RNLS: variants seen among roughly 807,000 people sequenced by gnomAD.
The protein encoded by RNLS is renalase, FAD dependent amine oxidase.
Under a neutral mutation model 39.8 loss-of-function variants are expected in RNLS, and 39 were observed. The observed-to-expected ratio is 0.98, with a 90% CI of 0.76 to 1.28. The LOEUF is 1.28. Among genes scored for constraint, RNLS ranks in the 50% most tolerant of loss-of-function variants. RNLS has a pLI of 0.00. For synonymous variants in RNLS, 147 were observed against 150.7 expected (o/e 0.98, Z 0.18); for missense variants, 410 against 413.3 (o/e 0.99, Z 0.07).
At chr10:88,445,455 A>G (rs1490939390) in intron 4 of RNLS, among the ~76,000 whole-genome samples, 1 of 152,242 alleles carries the variant, frequency 6.6e-6, no homozygotes, top group East Asian at 1.9e-4. Context: ...GATCAAATTC[A>G]CACATAACAA....
chr10:88,394,505 C>T lies in RNLS; in HGVS notation c.527-31780G>A, dbSNP rs190175175. ...AAAACCACAATGAGATACCATCTCA[C>T]GCCAGTTAGAATGGCGTTCATTAAA... On this transcript the variant is annotated intron_variant, in intron 4 of 6. Coordinates refer to ENST00000331772, the MANE Select transcript of RNLS (RefSeq NM_001031709.3). Among the ~76,000 whole-genome samples the T allele has an allele frequency of 6.1e-3, 929 of 152,322 alleles. 12 individuals carry two copies. Among genetic ancestry groups the T allele is most frequent in the African/African-American group, 0.021 (893 of 41,568 alleles).
At chr10:88,514,112 G>A (rs76108378) in intron 4 of RNLS, among the ~76,000 whole-genome samples, 5,767 of 150,976 alleles carry the variant, frequency 0.038, 156 homozygotes, top group Middle Eastern at 0.065. Context: ...CCCGAGACTG[G>A]GTAATTTATA....
chr10:88,314,661 T>C lies in RNLS; in HGVS notation c.701-20A>G. 10 of 1,604,678 alleles carry C rather than the reference T, an allele frequency of 6.2e-6. No individual in the cohort carries two copies. The highest frequency in any genetic ancestry group is 1.1e-5 in the South Asian group (1 of 89,736). On this transcript the variant is annotated intron_variant, in intron 5 of 6. Transcript: ENST00000331772. ...ATGACTCTGTGGCATAAGAGGATCATAAAGATGCATCTTAAAGTGGGTAGC... is the reference window on the plus strand; with the variant it reads ...ATGACTCTGTGGCATAAGAGGATCACAAAGATGCATCTTAAAGTGGGTAGC...
the RNLS span, among the ~76,000 whole-genome samples, chr10:88,227,907 T>C: frequency 1.3e-5 from 2 of 152,180 alleles, no homozygotes; most frequent in Non-Finnish European, 2.9e-5. Context: ...CTCTGCTTGC[T>C]TGTCTCAGAA....
chr10:88,526,152 G>A (rs1449210433), intron 4 of RNLS, among the ~76,000 whole-genome samples: 1 of 151,942 alleles, frequency 6.6e-6, no homozygotes, highest in Non-Finnish European at 1.5e-5. Context: ...ACTCTGCCAA[G>A]TAGGTCTTTT....
intron 5 of RNLS, among the ~76,000 whole-genome samples, chr10:88,347,986 A>G (rs988558655): frequency 6.6e-6 from 1 of 152,184 alleles, no homozygotes; most frequent in Non-Finnish European, 1.5e-5. Flanking sequence ...TATTTAATAC[A>G]GCAGTTTTTT....
intron 5 of RNLS, among the ~76,000 whole-genome samples, chr10:88,334,754 G>T (rs1167402227): frequency 6.6e-6 from 1 of 151,530 alleles, no homozygotes; most frequent in Non-Finnish European, 1.5e-5. Flanking sequence ...TGAGTTGAAG[G>T]CATTTCAACC....
intron 4 of RNLS, among the ~76,000 whole-genome samples, chr10:88,488,681 GA>G (rs908970598): frequency 8.7e-5 from 13 of 150,274 alleles, no homozygotes; most frequent in Non-Finnish European, 1.5e-4. Context: ...AATTAAATGT[GA>G]AAAAAAAAGT....
the RNLS span, among the ~76,000 whole-genome samples, chr10:88,175,608 C>T: frequency 6.6e-6 from 1 of 152,066 alleles, no homozygotes; most frequent in African/African-American, 2.4e-5. Context: ...TGAGAAGATA[C>T]TTGATATAAT....
the RNLS span, among the ~76,000 whole-genome samples, chr10:88,247,891 AGGG>A: frequency 8.5e-5 from 13 of 152,314 alleles, no homozygotes; most frequent in East Asian, 2.5e-3. Flanking sequence ...GGACATGAAA[AGGG>A]GGCACTAGGC....
At chr10:88,327,560 T>C (rs1846717620) in intron 5 of RNLS, among the ~76,000 whole-genome samples, 1 of 152,112 alleles carries the variant, frequency 6.6e-6, no homozygotes, top group East Asian at 1.9e-4. Flanking sequence ...GAACTGTGAG[T>C]CAATTAAACC....
chr10:88,294,931 C>A (rs549374554), intron 6 of RNLS, among the ~76,000 whole-genome samples: 1 of 152,082 alleles, frequency 6.6e-6, no homozygotes, highest in Non-Finnish European at 1.5e-5. Flanking sequence ...TTTCCGCCCC[C>A]ACCCTCCAAA....
At chr10:88,412,530 A>C (rs949464372) in intron 4 of RNLS, among the ~76,000 whole-genome samples, 1 of 152,164 alleles carries the variant, frequency 6.6e-6, no homozygotes, top group Non-Finnish European at 1.5e-5. Context: ...TGGAGTTTTA[A>C]TAAAGTTAGA....
At chr10:88,214,103 T>C in the RNLS span, among the ~76,000 whole-genome samples, 1 of 152,132 alleles carries the variant, frequency 6.6e-6, no homozygotes, top group African/African-American at 2.4e-5. Context: ...TGGGCAGTAG[T>C]TGTAGTAGTA....
chr10:88,263,117 A>T, the RNLS span, among the ~76,000 whole-genome samples: 1 of 152,130 alleles, frequency 6.6e-6, no homozygotes, highest in African/African-American at 2.4e-5. Context: ...TAGTAAGTGT[A>T]ATAATAATAG....
intron 4 of RNLS, among the ~76,000 whole-genome samples, chr10:88,531,370 T>A (rs1847415321): frequency 6.6e-6 from 1 of 152,008 alleles, no homozygotes; most frequent in Non-Finnish European, 1.5e-5. Flanking sequence ...AGATAAGTTG[T>A]ATGTATTTTC....
intron 5 of RNLS, among the ~76,000 whole-genome samples, chr10:88,348,259 C>T (rs538793850): frequency 2.6e-5 from 4 of 152,284 alleles, no homozygotes; most frequent in Non-Finnish European, 5.9e-5. Flanking sequence ...CAGATCCACA[C>T]ATTTATTCAT....
At chr10:88,171,799 T>A in the RNLS span, among the ~76,000 whole-genome samples, 1 of 152,176 alleles carries the variant, frequency 6.6e-6, no homozygotes, top group South Asian at 2.1e-4. Flanking sequence ...TCTTATCTAG[T>A]TGTAATTTCA....
intron 5 of RNLS, among the ~76,000 whole-genome samples, chr10:88,356,704 T>C (rs1481169433): frequency 1.3e-5 from 2 of 152,262 alleles, no homozygotes; most frequent in Non-Finnish European, 2.9e-5. Context: ...GCTTTTCTTC[T>C]TTTAAGATGA....
Sources: gnomAD v4.1 joint callset for allele counts (sites outside exome capture counted in the v4.1 genomes callset) on GRCh38, gnomAD v4.1.1 for gene constraint, MANE v1.5 for transcripts, NCBI Gene and HGNC (gene_info 2026-07-23, HGNC 2026-07-21) for gene names.